BRAF: variants seen among roughly 807,000 people sequenced by gnomAD.
The protein encoded by BRAF is serine/threonine-protein kinase B-raf.
BRAF carries 16 observed loss-of-function variants against 104.6 expected under a neutral mutation model. The ratio of observed to expected loss-of-function variants is 0.15; its 90% CI spans 0.10 to 0.23. The LOEUF is 0.23. Among genes scored for constraint, BRAF ranks in the 10% least tolerant of loss-of-function variants. The pLI is 1.00. For synonymous variants in BRAF, 310 were observed against 341.6 expected (o/e 0.91, Z 1.02); for missense variants, 541 against 937.3 (o/e 0.58, Z 5.52).
intron 8 of BRAF, among the ~76,000 whole-genome samples, chr7:140,793,582 T>C (rs1357676818): frequency 8.5e-5 from 13 of 152,112 alleles, no homozygotes; most frequent in African/African-American, 2.9e-4. Context: ...ACAGAAAAAA[T>C]CAAGTTTTTG....
At chr7:140,760,437 AAAG>A (rs1214624592) in intron 14 of BRAF, among the ~76,000 whole-genome samples, 1 of 151,886 alleles carries the variant, frequency 6.6e-6, no homozygotes, top group East Asian at 1.9e-4. Flanking sequence ...AAAAAAAAAA[AAAG>A]ATGTTTTCTG....
intron 1 of BRAF, among the ~76,000 whole-genome samples, chr7:140,909,833 C>T (rs79292894): frequency 4.3e-3 from 642 of 148,646 alleles, no homozygotes; most frequent in Non-Finnish European, 6.7e-3. Context: ...ACAACAACAA[C>T]AACAACAACA....
At chr7:140,769,603 C>T (rs975073092) in intron 14 of BRAF, among the ~76,000 whole-genome samples, 1 of 152,192 alleles carries the variant, frequency 6.6e-6, no homozygotes, top group African/African-American at 2.4e-5. Context: ...TATGTTGATA[C>T]ATATATAATC....
chr7:140,741,519 C>T (rs1006588300), intron 17 of BRAF: 1 of 152,158 alleles, frequency 6.6e-6, no homozygotes, highest in Non-Finnish European at 1.5e-5. Context: ...AATAATGGTC[C>T]TTCTTCCCAC....
chr7:140,890,796 A>G (rs1814131719), intron 1 of BRAF, among the ~76,000 whole-genome samples: 1 of 152,166 alleles, frequency 6.6e-6, no homozygotes, highest in Admixed American at 6.5e-5. Flanking sequence ...CTACTCTAAC[A>G]GCTGTCACCC....
At chr7:140,841,355 A>AGAGTTAC (rs1807945793) in intron 2 of BRAF, among the ~76,000 whole-genome samples, 1 of 152,222 alleles carries the variant, frequency 6.6e-6, no homozygotes, top group African/African-American at 2.4e-5. Flanking sequence ...AGTGTAAAAC[A>AGAGTTAC]GAGTTACCAC....
At chr7:140,874,532 T>TAAAAAAAAAAAAAAA (rs71659759) in intron 1 of BRAF, among the ~76,000 whole-genome samples, 2 of 80,912 alleles carry the variant, frequency 2.5e-5, no homozygotes, top group Admixed American at 1.2e-4. Context: ...AGAAAAAAAG[T>TAAAAAAAAAAAAAAA]AAAAAAAAAA....
chr7:140,849,536 G>T (rs902088755), intron 2 of BRAF, among the ~76,000 whole-genome samples: 1 of 151,238 alleles, frequency 6.6e-6, no homozygotes, highest in Admixed American at 6.6e-5. Flanking sequence ...AAAAAAATTG[G>T]CTAGGCACAG....
intron 1 of BRAF, among the ~76,000 whole-genome samples, chr7:140,877,299 G>GA (rs1051503975): frequency 9.1e-6 from 1 of 109,878 alleles, no homozygotes; most frequent in Non-Finnish European, 1.8e-5. Flanking sequence ...GAGATGGGGG[G>GA]GGGGGTGGGT....
chr7:140,910,524 T>G (rs1210525388), intron 1 of BRAF, among the ~76,000 whole-genome samples: 3 of 152,302 alleles, frequency 2.0e-5, no homozygotes, highest in Admixed American at 1.3e-4. Flanking sequence ...ATTTATGAAG[T>G]AGAACTGCTT....
intron 17 of BRAF, chr7:140,740,184 C>T (rs1796793053): frequency 2.0e-6 from 1 of 491,746 alleles, no homozygotes; most frequent in South Asian, 2.2e-5. Flanking sequence ...CTAATTGCTC[C>T]CCTGCTTTTG....
At chr7:140,756,399 C>T (rs986977259) in intron 14 of BRAF, among the ~76,000 whole-genome samples, 8 of 152,026 alleles carry the variant, frequency 5.3e-5, no homozygotes, top group Admixed American at 2.0e-4. Context: ...GGTCTAATCC[C>T]CCAGCTAGAG....
intron 14 of BRAF, among the ~76,000 whole-genome samples, chr7:140,756,195 A>G (rs2129001323): frequency 6.6e-6 from 1 of 152,312 alleles, no homozygotes; most frequent in South Asian, 2.1e-4. Context: ...TATAGCATAA[A>G]TTTGTTATAG....
chr7:140,753,048 A>C (rs1012162544), intron 16 of BRAF, among the ~76,000 whole-genome samples: 6 of 152,178 alleles, frequency 3.9e-5, no homozygotes, highest in African/African-American at 1.2e-4. Flanking sequence ...TGTTTATAAG[A>C]CATATATTTT....
At chr7:140,913,297 G>A (rs1586636875) in intron 1 of BRAF, among the ~76,000 whole-genome samples, 1 of 152,150 alleles carries the variant, frequency 6.6e-6, no homozygotes, top group African/African-American at 2.4e-5. Context: ...TAAGGGTAGA[G>A]ACCTTTGTTT....
chr7:140,918,431 C>T (rs1586654430), intron 1 of BRAF, among the ~76,000 whole-genome samples: 2 of 152,146 alleles, frequency 1.3e-5, no homozygotes, highest in African/African-American at 4.8e-5. Flanking sequence ...GGAGCTTTGG[C>T]GGTAATGCTC....
intron 1 of BRAF, among the ~76,000 whole-genome samples, chr7:140,871,654 A>G (rs2129093662): frequency 6.6e-6 from 1 of 152,358 alleles, no homozygotes; most frequent in Middle Eastern, 3.4e-3. Context: ...AGATGAACTA[A>G]GGCATCAGAA....
intron 12 of BRAF, 93 bp downstream of exon 11, chr7:140,781,483 G>T: frequency 8.3e-7 from 1 of 1,198,148 alleles, no homozygotes; most frequent in Non-Finnish European, 1.2e-6. Context: ...TGCGAACAGT[G>T]AATATTTCCT....
intron 6 of BRAF, chr7:140,800,883 T>A (rs1803032323): frequency 1.0e-5 from 3 of 301,460 alleles, no homozygotes; most frequent in South Asian, 9.4e-5. Context: ...CAAAAAGAGA[T>A]AATAGACTCA....
Sources: allele counts gnomAD v4.1 joint callset (sites outside exome capture counted in the v4.1 genomes callset), GRCh38; gene constraint gnomAD v4.1.1; transcripts MANE v1.5; gene names NCBI Gene and HGNC (gene_info 2026-07-23, HGNC 2026-07-21).